Variants in EYS observed in about 807,000 individuals in gnomAD.
The protein encoded by EYS is EGF-like photoreceptor maintenance factor.
In EYS, 250 loss-of-function variants were observed where a neutral mutation model predicts 282.1. That is an observed-to-expected ratio of 0.89 (90% confidence interval 0.80 to 0.98). EYS has a LOEUF of 0.98. EYS is among the 50% of genes least tolerant of loss of function. The pLI is 0.00. For synonymous variants in EYS, 1,355 were observed against 1,282.9 expected, an observed-to-expected ratio of 1.06 and a Z score of -1.20; for missense variants, 4,016 against 3,709.0, an observed-to-expected ratio of 1.08 and a Z score of -2.15.
intron 22 of EYS, among the ~76,000 whole-genome samples, chr6:64,686,508 G>A (rs868206243): frequency 1.3e-4 from 20 of 151,068 alleles, no homozygotes; most frequent in African/African-American, 2.9e-4. Context: ...TTGGGAGGCC[G>A]AGGCGGGCGG....
intron 1 of EYS, among the ~76,000 whole-genome samples, chr6:65,668,499 A>G (rs1768273859): frequency 6.6e-6 from 1 of 152,016 alleles, no homozygotes; most frequent in East Asian, 1.9e-4. Context: ...CTTTCACTCT[A>G]CAATGACAGG....
intron 31 of EYS, among the ~76,000 whole-genome samples, chr6:64,207,922 T>A (rs1353702633): frequency 6.6e-6 from 1 of 152,136 alleles, no homozygotes; most frequent in Non-Finnish European, 1.5e-5. Flanking sequence ...ACCTCCCAAA[T>A]TGCTGGGATC....
chr6:64,986,330 G>T (rs1370006325), intron 14 of EYS, among the ~76,000 whole-genome samples: 1 of 151,348 alleles, frequency 6.6e-6, no homozygotes, highest in African/African-American at 2.4e-5. Context: ...ATACACATAT[G>T]TAAATAACAC....
At chr6:63,896,947 T>C (rs893839095) in intron 35 of EYS, among the ~76,000 whole-genome samples, 2 of 152,222 alleles carry the variant, frequency 1.3e-5, no homozygotes, top group Non-Finnish European at 2.9e-5. Flanking sequence ...TACTGAAGTA[T>C]ATTTTACTGC....
chr6:65,279,930 C>G (rs1768170355), intron 12 of EYS, among the ~76,000 whole-genome samples: 1 of 152,020 alleles, frequency 6.6e-6, no homozygotes, highest in Admixed American at 6.6e-5. Flanking sequence ...TTTAATTTTC[C>G]TAGGAGACAA....
chr6:63,834,587 G>A (rs971264430), intron 36 of EYS, among the ~76,000 whole-genome samples: 5 of 148,038 alleles, frequency 3.4e-5, no homozygotes, highest in Admixed American at 6.7e-5. Context: ...AAATAGAAAC[G>A]CTTTTACACT....
At chr6:64,015,190 G>C (rs930278400) in intron 33 of EYS, among the ~76,000 whole-genome samples, 1 of 152,050 alleles carries the variant, frequency 6.6e-6, no homozygotes, top group Non-Finnish European at 1.5e-5. Context: ...ATAATTCCTG[G>C]AGTTGTTTCT....
chr6:64,896,096 C>T (rs1292027511), intron 18 of EYS, among the ~76,000 whole-genome samples: 1 of 152,042 alleles, frequency 6.6e-6, no homozygotes, highest in African/African-American at 2.4e-5. Flanking sequence ...AGGATTCTTA[C>T]AAAGCCATAA....
intron 26 of EYS, among the ~76,000 whole-genome samples, chr6:64,558,913 A>G (rs1212661666): frequency 6.6e-6 from 1 of 152,202 alleles, no homozygotes; most frequent in Non-Finnish European, 1.5e-5. Context: ...ATGACAAGGC[A>G]GTTTCAAAGT....
intron 22 of EYS, among the ~76,000 whole-genome samples, chr6:64,788,817 C>T (rs1774097270): frequency 6.6e-6 from 1 of 152,136 alleles, no homozygotes; most frequent in African/African-American, 2.4e-5. Context: ...TCTCTTGTGA[C>T]TTCCTGTCCT....
chr6:63,894,878 C>T (rs951732510), intron 35 of EYS, among the ~76,000 whole-genome samples: 12 of 152,088 alleles, frequency 7.9e-5, no homozygotes, highest in African/African-American at 1.2e-4. Flanking sequence ...TTAGCCACTG[C>T]GCCCGGCCAA....
At chr6:64,441,454 G>A (rs75008187) in intron 26 of EYS, among the ~76,000 whole-genome samples, 12,014 of 152,234 alleles carry the variant, frequency 0.079, 658 homozygotes, top group Non-Finnish European at 0.12. Flanking sequence ...AGTTGTAACA[G>A]GAGATGATAC....
intron 31 of EYS, among the ~76,000 whole-genome samples, chr6:64,189,891 C>A (rs1765052523): frequency 1.3e-5 from 2 of 152,076 alleles, no homozygotes; most frequent in African/African-American, 4.8e-5. Flanking sequence ...ACTTTCTGGT[C>A]CTTTACAAAA....
intron 35 of EYS, among the ~76,000 whole-genome samples, chr6:63,955,302 G>A (rs890525646): frequency 9.9e-5 from 15 of 151,872 alleles, no homozygotes; most frequent in East Asian, 7.7e-4. Flanking sequence ...TTACACTGCC[G>A]GTTTACACTT....
At chr6:64,237,557 T>G (rs2150341492) in intron 30 of EYS, among the ~76,000 whole-genome samples, 1 of 152,316 alleles carries the variant, frequency 6.6e-6, no homozygotes, top group African/African-American at 2.4e-5. Flanking sequence ...TTAAAACAAC[T>G]AGTGATGTCT....
At chr6:64,373,760 G>A (rs2150415439) in intron 29 of EYS, among the ~76,000 whole-genome samples, 1 of 152,292 alleles carries the variant, frequency 6.6e-6, no homozygotes, top group Non-Finnish European at 1.5e-5. Context: ...ATGCCTGCCA[G>A]CTAAGTTCCC....
chr6:64,648,778 A>G lies in EYS; in HGVS notation c.3444-22533T>C, dbSNP rs369250514. On this transcript the variant is annotated intron_variant, in intron 22 of 42. Coordinates refer to ENST00000503581, the MANE Select transcript of EYS (RefSeq NM_001142800.2). Reference sequence around the variant, plus strand: ...GGATTCTGGAGGGGGAAAAGTAGAAATGGAGAAATAGCTAAAAATAATTTT... The same window carrying G: ...GGATTCTGGAGGGGGAAAAGTAGAAGTGGAGAAATAGCTAAAAATAATTTT... Among the ~76,000 whole-genome samples, 603 of 152,362 alleles carry G rather than the reference A, an allele frequency of 4.0e-3. 8 individuals carry two copies. The highest frequency in any genetic ancestry group is 0.014 in the African/African-American group (576 of 41,594).
At chr6:65,442,117 A>T (rs1435220590) in intron 5 of EYS, among the ~76,000 whole-genome samples, 1 of 151,568 alleles carries the variant, frequency 6.6e-6, no homozygotes, top group Non-Finnish European at 1.5e-5. Flanking sequence ...CCATTGAATT[A>T]TTTGTGTTTT....
At chr6:65,165,976 A>G (rs1442869691) in intron 12 of EYS, among the ~76,000 whole-genome samples, 1 of 151,104 alleles carries the variant, frequency 6.6e-6, no homozygotes, top group Non-Finnish European at 1.5e-5. Flanking sequence ...CCCATTAGCA[A>G]CATCTTCAAA....
Sources: allele counts gnomAD v4.1 joint callset (sites outside exome capture counted in the v4.1 genomes callset), GRCh38; gene constraint gnomAD v4.1.1; transcripts MANE v1.5; gene names NCBI Gene and HGNC (gene_info 2026-07-23, HGNC 2026-07-21).